Variants in NKIRAS1 observed in about 807,000 individuals in gnomAD.
The protein encoded by NKIRAS1 is NFKB inhibitor interacting Ras like 1.
Under a neutral mutation model 19.8 loss-of-function variants are expected in NKIRAS1, and 16 were observed. That is an observed-to-expected ratio of 0.81 (90% CI 0.55 to 1.23). The LOEUF is 1.23. NKIRAS1 is among the 50% of genes most tolerant of loss of function. NKIRAS1 has a pLI of 0.00. For synonymous variants in NKIRAS1, 88 were observed against 79.0 expected, an observed-to-expected ratio of 1.11 and a Z score of -0.61; for missense variants, 184 against 220.0, an observed-to-expected ratio of 0.84 and a Z score of 1.04.
At chr3:23,946,174 G>C in intron 1 of NKIRAS1, 1 of 985,254 alleles carries the variant, frequency 1.0e-6, no homozygotes, top group Non-Finnish European at 1.2e-6. Context: ...GTGCGCGCCC[G>C]CTGAGCCCCC....
At chr3:23,903,081 C>A (rs999405016) in intron 3 of NKIRAS1, among the ~76,000 whole-genome samples, 1 of 152,190 alleles carries the variant, frequency 6.6e-6, no homozygotes, top group Non-Finnish European at 1.5e-5. Flanking sequence ...GAACCCTATC[C>A]ATATGCTTAG....
In NKIRAS1 at chr3:23,892,928, C is replaced by A; in HGVS notation, c.*167G>T. ...TCATATCAGGCAATAATAACCTTAGCCCAAATACTTTTAACATCTAAAGTG... is the reference window on the plus strand; with the variant it reads ...TCATATCAGGCAATAATAACCTTAGACCAAATACTTTTAACATCTAAAGTG... On this transcript the variant is annotated 3_prime_UTR_variant, in exon 5 of 5. Coordinates refer to ENST00000425478, the MANE Select transcript of NKIRAS1 (RefSeq NM_020345.4). 1 of 529,496 alleles carries A rather than the reference C, an allele frequency of 1.9e-6. No individual in the cohort carries two copies. The highest frequency in any genetic ancestry group is 3.1e-6 in the Non-Finnish European group (1 of 321,706). 32.8% of individuals were successfully genotyped at this position (529,496 alleles called of 1,614,324 possible). A position where few individuals can be genotyped will look rare whatever the true frequency, so the allele number is the denominator to read the frequency against.
Position 23,900,801 on chromosome 3 carries a change from C to T in NKIRAS1, c.336+7G>A. Reference sequence around the variant, plus strand: ...TCACATTTGGCATTTTTAACATATCCACTTGCCTCTTTTTTGTCTTTGAAC... The same window carrying T: ...TCACATTTGGCATTTTTAACATATCTACTTGCCTCTTTTTTGTCTTTGAAC... On this transcript the variant is annotated splice_region_variant and intron_variant, in intron 4 of 4. Transcript: ENST00000425478. 6.2e-7 allele frequency: 1 copy of T among 1,610,408 alleles called. No homozygotes were observed. Among genetic ancestry groups the T allele is most frequent in the Non-Finnish European group, 8.5e-7 (1 of 1,177,496 alleles).
chr3:23,943,051 T>G (rs6805489), intron 1 of NKIRAS1, among the ~76,000 whole-genome samples: 1 of 151,900 alleles, frequency 6.6e-6, no homozygotes, highest in Non-Finnish European at 1.5e-5. Context: ...CACTGCGCCC[T>G]GCCAGGGCTC....
chr3:23,893,114 T>C lies in NKIRAS1; in HGVS notation c.560A>G (p.Asn187Ser). Residue 187 changes from asparagine (N) to serine (S), a missense_variant, in exon 5 of 5, where the codon AAC becomes AGC. Transcript: ENST00000425478. ...TGATTTTTAGTTCTCAGAATTAGAG[T>C]TCCCTTTGTTTTTCCTCCCAGGCAA... ...FPLPGRKNKG[N>S]SNSEN The C allele has an allele frequency of 6.4e-7, 1 of 1,568,350 alleles. No individual in the cohort carries two copies. Among genetic ancestry groups the C allele is most frequent in the Non-Finnish European group, 8.6e-7 (1 of 1,160,754 alleles).
At chr3:23,939,518 C>T (rs1348759164) in intron 1 of NKIRAS1, among the ~76,000 whole-genome samples, 1 of 151,954 alleles carries the variant, frequency 6.6e-6, no homozygotes, top group Admixed American at 6.6e-5. Context: ...CCAAGTTGGG[C>T]GGATCATGAG....
chr3:23,903,188 A>C (rs1702681922), intron 3 of NKIRAS1, among the ~76,000 whole-genome samples: 1 of 152,172 alleles, frequency 6.6e-6, no homozygotes, highest in South Asian at 2.1e-4. Context: ...ATCTCAGCTC[A>C]TTGCAGCCTC....
chr3:23,926,110 G>A lies in NKIRAS1; in HGVS notation c.-139-14660C>T, dbSNP rs1705207258. On this transcript the variant is annotated intron_variant, in intron 1 of 4. Coordinates refer to the NKIRAS1 transcript ENST00000421515. This position sits in a 1 kb window ranked among gnomAD's most constrained non-coding sequence, Gnocchi z 4.3. The stretch of plus-strand genomic sequence containing the variant: ...CTGTCGCCCAGGCTGGAGTGCAGTG[G>A]CACAATCTTGGCTCACTGTAACCTC... 6.6e-6 allele frequency among the ~76,000 whole-genome samples: 1 copy of A among 152,054 alleles called. No homozygotes were observed. The highest frequency in any genetic ancestry group is 1.5e-5 in the Non-Finnish European group (1 of 68,000).
chr3:23,902,230 G>A (rs111346505), intron 3 of NKIRAS1, among the ~76,000 whole-genome samples: 1 of 152,112 alleles, frequency 6.6e-6, no homozygotes, highest in African/African-American at 2.4e-5. Context: ...ACTGTAGAAT[G>A]ATTTGTTCCA....
chr3:23,924,039 C>T (rs1365280979), intron 1 of NKIRAS1: 3 of 152,176 alleles, frequency 2.0e-5, no homozygotes, highest in Admixed American at 2.0e-4. Context: ...AGAAAAACAA[C>T]AGTTGGTATG....
At position 23,945,557 on chromosome 3, in the gene NKIRAS1, C is replaced by T. The variant is rs1431283645; in HGVS notation, c.-140+766G>A. On this transcript the variant is annotated intron_variant, in intron 1 of 4. Transcript: ENST00000421515. ...CCCCTCTGCGGGAAGCGGGCGGCCC[C>T]GGCCGCCTCCGCGAGGGCACCATGG... 1.0e-5 allele frequency: 12 copies of T among 1,156,194 alleles called. No homozygotes were observed. In the East Asian group the frequency reaches 3.7e-4, roughly 36 times the overall value. The allele number at this position is 1,156,194 out of a possible 1,614,324, so 71.6% of individuals were successfully genotyped here. A position where few individuals can be genotyped will look rare whatever the true frequency, so the allele number is the denominator to read the frequency against.
intron 3 of NKIRAS1, among the ~76,000 whole-genome samples, chr3:23,908,250 T>C (rs1703265842): frequency 6.6e-6 from 1 of 152,162 alleles, no homozygotes; most frequent in Non-Finnish European, 1.5e-5. Context: ...GATCAATCAA[T>C]GAGATTTTAA....
chr3:23,897,751 A>C (rs114601564), intron 4 of NKIRAS1, among the ~76,000 whole-genome samples: 2,277 of 152,170 alleles, frequency 0.015, 71 homozygotes, highest in African/African-American at 0.053. Context: ...AGAAAATAGC[A>C]CCCTCATTCC....
At chr3:23,942,501 G>C (rs1400029136) in intron 1 of NKIRAS1, among the ~76,000 whole-genome samples, 1 of 151,896 alleles carries the variant, frequency 6.6e-6, no homozygotes, top group Admixed American at 6.5e-5. Context: ...GCACGATCTC[G>C]GCTCACCGCA....
rs1575125334 is a variant in NKIRAS1, at chr3:23,922,334, A to G, written c.-139-10884T>C. The G allele has an allele frequency of 6.6e-6, 1 of 152,278 alleles. No individual in the cohort carries two copies. Among genetic ancestry groups the G allele is most frequent in the Admixed American group, 6.5e-5 (1 of 15,290 alleles). The allele number at this position is 152,278 out of a possible 1,614,324, so 9.4% of individuals were successfully genotyped here. A position where few individuals can be genotyped will look rare whatever the true frequency, so the allele number is the denominator to read the frequency against. ...CAATGAGGAAACACAAAGATGAAGC[A>G]ACTTGCTCAAAGTCATACAGTGACA... is the stretch of plus-strand genomic sequence containing the variant. On this transcript the variant is annotated intron_variant, in intron 1 of 4. Coordinates refer to the NKIRAS1 transcript ENST00000421515. This position sits in a 1 kb window ranked among gnomAD's most constrained non-coding sequence, Gnocchi z 4.2.
upstream of NKIRAS1, chr3:23,920,753 T>C (rs979313287): frequency 2.1e-6 from 2 of 975,432 alleles, no homozygotes; most frequent in African/African-American, 3.5e-5. Context: ...AGACCTAAAT[T>C]TCTTCACAAA....
At position 23,926,347 on chromosome 3, in the gene NKIRAS1, C is replaced by T. The variant is rs541932139; in HGVS notation, c.-139-14897G>A. On this transcript the variant is annotated intron_variant, in intron 1 of 4. Transcript: ENST00000421515. This position sits in a 1 kb window ranked among gnomAD's most constrained non-coding sequence, Gnocchi z 4.3. ...GATTATAGGTATGAGCCATGGCGCC[C>T]GGCCATAGTACTGACTTAGACCCTT... Among the ~76,000 whole-genome samples, 16 of 152,300 alleles carry T rather than the reference C, an allele frequency of 1.1e-4. No homozygotes were observed. The highest frequency in any genetic ancestry group is 3.6e-4 in the African/African-American group (15 of 41,558).
At position 23,927,754 on chromosome 3, in the gene NKIRAS1, G is replaced by A. The variant is rs1185809228; in HGVS notation, c.-139-16304C>T. 6.6e-6 allele frequency among the ~76,000 whole-genome samples: 1 copy of A among 152,166 alleles called. No homozygotes were observed. The highest frequency in any genetic ancestry group is 1.5e-5 in the Non-Finnish European group (1 of 68,022). ...GGTTGATTATTAACTAAGCTAGGAT[G>A]TTTTGCTTATCAAAAAGAAAGATTC... On this transcript the variant is annotated intron_variant, in intron 1 of 4. Coordinates refer to the NKIRAS1 transcript ENST00000421515. This position sits in a 1 kb window ranked among gnomAD's most constrained non-coding sequence, Gnocchi z 4.0.
At chr3:23,940,238 T>C (rs1405235481) in intron 1 of NKIRAS1, among the ~76,000 whole-genome samples, 3 of 151,302 alleles carry the variant, frequency 2.0e-5, no homozygotes, top group African/African-American at 2.4e-5. Context: ...TCCTAGCTAA[T>C]TGAGAGGCTG....
Sources: gnomAD v4.1 joint callset for allele counts (sites outside exome capture counted in the v4.1 genomes callset) on GRCh38, gnomAD v4.1.1 for gene constraint, Gnocchi (gnomAD v3.1) non-coding constraint, MANE v1.5 for transcripts, NCBI Gene and HGNC (gene_info 2026-07-23, HGNC 2026-07-21) for gene names.